Variants in RNF38 observed in about 807,000 individuals in gnomAD.
The protein encoded by RNF38 is E3 ubiquitin-protein ligase RNF38.
A neutral mutation model predicts 67.2 loss-of-function variants in RNF38; 15 were observed. The observed-to-expected ratio is 0.22, with a 90% CI of 0.15 to 0.34. The LOEUF (loss-of-function observed/expected upper bound fraction) is 0.34. RNF38 is among the 10% of genes least tolerant of loss of function. RNF38 has a pLI of 1.00. For missense variants in RNF38, 524 were observed against 639.9 expected (o/e 0.82, Z 1.95); for synonymous variants, 220 against 218.8 (o/e 1.01, Z -0.05).
At chr9:36,455,144 C>A (rs1401619018) in intron 1 of RNF38, among the ~76,000 whole-genome samples, 1 of 152,014 alleles carries the variant, frequency 6.6e-6, no homozygotes, top group Non-Finnish European at 1.5e-5. Context: ...ACTGCAACCC[C>A]CGCCTCCCAG....
intron 4 of RNF38, among the ~76,000 whole-genome samples, chr9:36,362,470 C>A (rs1251750312): frequency 4.4e-5 from 6 of 135,252 alleles, no homozygotes; most frequent in South Asian, 2.5e-4. Context: ...ATCAAGACTA[C>A]AAAAAAAAAA....
chr9:36,484,800 T>C (rs565224701), intron 1 of RNF38, among the ~76,000 whole-genome samples: 9 of 152,332 alleles, frequency 5.9e-5, no homozygotes, highest in Non-Finnish European at 1.3e-4. Flanking sequence ...GTTTTTGAGA[T>C]TCACCTATTT....
chr9:36,487,038 C>T (rs1840430846), intron 1 of RNF38, among the ~76,000 whole-genome samples: 1 of 152,168 alleles, frequency 6.6e-6, no homozygotes, highest in African/African-American at 2.4e-5. Context: ...CTCTAAGCCT[C>T]GGTTTCCTCC....
At chr9:36,441,484 G>A (rs1839189511) in intron 1 of RNF38, among the ~76,000 whole-genome samples, 1 of 151,982 alleles carries the variant, frequency 6.6e-6, no homozygotes, top group African/African-American at 2.4e-5. Context: ...GCGCCACCAT[G>A]CCGGCTAATT....
chr9:36,373,806 G>A (rs762996590), intron 3 of RNF38, among the ~76,000 whole-genome samples: 5 of 151,540 alleles, frequency 3.3e-5, no homozygotes, highest in Admixed American at 6.6e-5. Context: ...TTTGTTTTAA[G>A]ATGGAGTTTC....
chr9:36,479,162 C>T (rs560494566), intron 1 of RNF38, among the ~76,000 whole-genome samples: 10 of 152,298 alleles, frequency 6.6e-5, no homozygotes, highest in African/African-American at 2.4e-4. Flanking sequence ...CTGACTTCTC[C>T]CTACCAACAA....
intron 3 of RNF38, among the ~76,000 whole-genome samples, chr9:36,374,601 C>G (rs1185592473): frequency 6.6e-6 from 1 of 152,062 alleles, no homozygotes; most frequent in Non-Finnish European, 1.5e-5. Context: ...CAGATTCGCC[C>G]GTCTCAGCCT....
At chr9:36,455,676 G>A (rs1388559835) in intron 1 of RNF38, among the ~76,000 whole-genome samples, 2 of 151,446 alleles carry the variant, frequency 1.3e-5, no homozygotes, top group Admixed American at 1.3e-4. Context: ...GCTGAGGCAG[G>A]AGAATCGCTT....
intron 1 of RNF38, among the ~76,000 whole-genome samples, chr9:36,433,511 G>T (rs760767642): frequency 6.6e-6 from 1 of 151,644 alleles, no homozygotes; most frequent in Non-Finnish European, 1.5e-5. Flanking sequence ...AAGCCAAGAC[G>T]GGCAGATCAC....
upstream of RNF38, chr9:36,400,487 C>A: frequency 9.9e-7 from 1 of 1,011,190 alleles, no homozygotes; most frequent in Non-Finnish European, 1.2e-6. Context: ...CGCGGCCCCG[C>A]AGGCTCTCAA....
At chr9:36,395,673 G>C (rs962305259) in intron 1 of RNF38, among the ~76,000 whole-genome samples, 2 of 152,138 alleles carry the variant, frequency 1.3e-5, no homozygotes, top group African/African-American at 4.8e-5. Context: ...TAAAAAACAT[G>C]TTTGAATCTC....
intron 4 of RNF38, among the ~76,000 whole-genome samples, chr9:36,358,182 C>T (rs962476698): frequency 6.6e-6 from 1 of 152,034 alleles, no homozygotes; most frequent in Non-Finnish European, 1.5e-5. Context: ...ACTTGAAAAG[C>T]CCAGGGAAAT....
At chr9:36,412,457 G>A (rs1838349870) in intron 2 of RNF38, among the ~76,000 whole-genome samples, 1 of 152,218 alleles carries the variant, frequency 6.6e-6, no homozygotes, top group Admixed American at 6.5e-5. Flanking sequence ...ATGACCATGT[G>A]ATATGGTTTG....
chr9:36,386,876 C>A (rs1244875828), intron 2 of RNF38, among the ~76,000 whole-genome samples: 2 of 152,208 alleles, frequency 1.3e-5, no homozygotes, highest in Non-Finnish European at 2.9e-5. Context: ...AATCTCAGCT[C>A]ACTGCAACCT....
chr9:36,372,674 G>A, intron 3 of RNF38: 1 of 575,002 alleles, frequency 1.7e-6, no homozygotes, highest in East Asian at 2.9e-5. Flanking sequence ...AGTTTTCAGG[G>A]TGGTAAATAC....
At chr9:36,483,514 A>C (rs1840329546) in intron 1 of RNF38, among the ~76,000 whole-genome samples, 1 of 152,222 alleles carries the variant, frequency 6.6e-6, no homozygotes, top group African/African-American at 2.4e-5. Flanking sequence ...ATTTGTTAAC[A>C]TAAATTCATT....
Position 36,353,244 on chromosome 9 carries a change from G to T in RNF38, c.997C>A (p.Pro333Thr), listed in dbSNP as rs145433267. 34 of 1,613,004 alleles carry T rather than the reference G, an allele frequency of 2.1e-5. No homozygotes were observed. Among genetic ancestry groups the T allele is most frequent in the Middle Eastern group, 1.7e-4 (1 of 6,032 alleles). Reference protein sequence around the residue: ...GFTYPPSAHPPTLPPSAPLQF... With the variant: ...GFTYPPSAHPTTLPPSAPLQF... Reference sequence around the variant, plus strand: ...AAGGGAGCTGATGGAGGTAATGTTGGGGGGTGGGCTGATGGAGGGTAAGTA... The same window carrying T: ...AAGGGAGCTGATGGAGGTAATGTTGTGGGGTGGGCTGATGGAGGGTAAGTA... The change falls in exon 7 of 12, where the codon CCA (proline) becomes ACA (threonine). Residue 333 changes from proline to threonine, a missense_variant. By Grantham distance (38) the Pro-to-Thr change is conservative. Coordinates refer to ENST00000259605, the MANE Select transcript of RNF38 (RefSeq NM_022781.5).
At chr9:36,407,683 T>A (rs1838216177) in intron 2 of RNF38, among the ~76,000 whole-genome samples, 1 of 152,180 alleles carries the variant, frequency 6.6e-6, no homozygotes, top group Non-Finnish European at 1.5e-5. Context: ...GCCACACTCT[T>A]GCTTGTTCTG....
chr9:36,378,242 T>A (rs987339974), intron 2 of RNF38, among the ~76,000 whole-genome samples: 1 of 147,308 alleles, frequency 6.8e-6, no homozygotes, highest in Non-Finnish European at 1.5e-5. Flanking sequence ...AGTGACGCCA[T>A]CTTGGCTCAC....
Sources: gnomAD v4.1 joint callset for allele counts (sites outside exome capture counted in the v4.1 genomes callset) on GRCh38, gnomAD v4.1.1 for gene constraint, MANE v1.5 for transcripts, NCBI Gene and HGNC (gene_info 2026-07-23, HGNC 2026-07-21) for gene names.